GRAMD4: variants seen among roughly 807,000 people sequenced by gnomAD.
GRAMD4 encodes GRAM domain containing 4.
A neutral mutation model predicts 83.9 loss-of-function variants in GRAMD4; 25 were observed. The ratio of observed to expected loss-of-function variants is 0.30; its 90% confidence interval spans 0.22 to 0.42. The LOEUF is 0.42. Ranked by LOEUF, GRAMD4 falls within the 10% of genes least tolerant of loss-of-function variation. The pLI, the probability that GRAMD4 is intolerant of heterozygous loss-of-function variation, is 1.00. For missense variants in GRAMD4, 593 were observed against 788.7 expected (o/e 0.75, Z 2.97); for synonymous variants, 336 against 320.9 (o/e 1.05, Z -0.50).
chr22:46,647,972 T>C (rs377288360), intron 3 of GRAMD4, among the ~76,000 whole-genome samples: 1 of 152,106 alleles, frequency 6.6e-6, no homozygotes. Flanking sequence ...TGGGAGGGAG[T>C]AAAGGTAGCT....
At chr22:46,589,361 T>C (rs1602298632) in intron 1 of GRAMD4, among the ~76,000 whole-genome samples, 1 of 58,510 alleles carries the variant, frequency 1.7e-5, no homozygotes, top group Admixed American at 2.5e-4. Flanking sequence ...TGTGGGGGAG[T>C]CCTGGGTGTG....
intron 3 of GRAMD4, among the ~76,000 whole-genome samples, chr22:46,649,128 T>C (rs897292476): frequency 9.9e-5 from 15 of 152,168 alleles, no homozygotes; most frequent in African/African-American, 1.4e-4. Context: ...CCAGATGCAG[T>C]TTTATCTGTG....
chr22:46,665,852 C>T, intron 9 of GRAMD4, 146 bp downstream of exon 9: 2 of 600,550 alleles, frequency 3.3e-6, no homozygotes, highest in Admixed American at 5.0e-5. Flanking sequence ...CAGAGACCCC[C>T]CAGGCAGGGC....
At chr22:46,669,764 A>C (rs1258195687) in intron 13 of GRAMD4, among the ~76,000 whole-genome samples, 1 of 151,832 alleles carries the variant, frequency 6.6e-6, no homozygotes, top group East Asian at 1.9e-4. Context: ...TTTTTAGTAG[A>C]GACGGGGTTT....
rs141523878 is a variant in GRAMD4, at chr22:46,660,042, C to T, written c.405-1339C>T. ...GGCTAAGGTGGCCTGAGGCTGTCCC[C>T]GTGGCCCTGCTCCCTGTGTTCTGTT... On this transcript the variant is annotated intron_variant, in intron 4 of 18. Transcript: ENST00000406902. Among the ~76,000 whole-genome samples, 17 of 152,310 alleles carry T rather than the reference C, an allele frequency of 1.1e-4. No homozygotes were observed. In the East Asian group the frequency reaches 2.9e-3, roughly 26 times the overall value.
At chr22:46,616,901 C>T (rs1316669896), upstream of GRAMD4, among the ~76,000 whole-genome samples, 2 of 27,006 alleles carry the variant, frequency 7.4e-5, no homozygotes, top group African/African-American at 1.2e-4. Flanking sequence ...TGTAGTTTCC[C>T]CCGTGTGTAG....
In GRAMD4 at chr22:46,605,004, T is replaced by C. The variant is rs34057350; in HGVS notation, c.-49-21747T>C. Among the ~76,000 whole-genome samples, 105 of 53,040 alleles carry C rather than the reference T, an allele frequency of 2.0e-3. 3 individuals carry two copies. Among genetic ancestry groups the C allele is most frequent in the Non-Finnish European group, 2.6e-3 (58 of 22,696 alleles). The allele number at this position is 53,040 out of a possible 152,430, so 34.8% of individuals were successfully genotyped here. A position where few individuals can be genotyped will look rare whatever the true frequency, so the allele number is the denominator to read the frequency against. ...CAGGTTTTGGTGCCATAATGTTCTC[T>C]GGGTTCACCCAGGTTTTGGTGCCAT... On this transcript the variant is annotated intron_variant, in intron 1 of 1. Transcript: ENST00000431155.
intron 6 of GRAMD4, among the ~76,000 whole-genome samples, chr22:46,663,413 A>G (rs1364181983): frequency 6.6e-6 from 1 of 152,162 alleles, no homozygotes; most frequent in Non-Finnish European, 1.5e-5. Context: ...GGCTTGTGAC[A>G]GTTGTGTGGG....
chr22:46,622,338 C>T lies in GRAMD4; in HGVS notation c.-50+1773C>T, dbSNP rs528307033. Among the ~76,000 whole-genome samples the T allele has an allele frequency of 7.2e-5, 11 of 152,310 alleles. No individual in the cohort carries two copies. Among genetic ancestry groups the T allele is most frequent in the South Asian group, 4.1e-4 (2 of 4,826 alleles). ...CACAGGGCCTGCAGGCCCCAGCGCC[C>T]GGGTCATCCCCTCCGCTTCCCTCTC... On this transcript the variant is annotated intron_variant, in intron 1 of 18. Transcript: ENST00000406902. The surrounding 1 kb of genome is among the most constrained non-coding windows in gnomAD (Gnocchi z 4.0).
intron 1 of GRAMD4, among the ~76,000 whole-genome samples, chr22:46,597,775 T>C (rs566310184): frequency 5.3e-5 from 8 of 152,200 alleles, no homozygotes; most frequent in Middle Eastern, 6.8e-3. Flanking sequence ...AGGCATGAGC[T>C]ACCACGCCCG....
chr22:46,648,196 A>G (rs2082098599), intron 3 of GRAMD4, among the ~76,000 whole-genome samples: 1 of 150,596 alleles, frequency 6.6e-6, no homozygotes, highest in Admixed American at 6.6e-5. Flanking sequence ...GTGGACATGT[A>G]GATGGATGGA....
At chr22:46,638,551 C>T (rs913996660) in intron 3 of GRAMD4, among the ~76,000 whole-genome samples, 4 of 152,208 alleles carry the variant, frequency 2.6e-5, no homozygotes, top group African/African-American at 9.6e-5. Context: ...GTGTATCGCT[C>T]TTGAGCCTCT....
Position 46,679,379 on chromosome 22 carries a change from G to GC in GRAMD4, c.*2129dup, listed in dbSNP as rs1368404976. On this transcript the variant is annotated 3_prime_UTR_variant, in exon 19 of 19. Transcript: ENST00000406902. ...CCCCAGGGAGGGCCACATTCGGGGA[G>GC]CGGGGGGTCGGGGGAGGGCCACCGA... 1.0e-6 allele frequency: 1 copy of GC among 985,360 alleles called. No homozygotes were observed. 61.0% of individuals were successfully genotyped at this position (985,360 alleles called of 1,614,324 possible).
chr22:46,651,015 G>T (rs945043119), intron 3 of GRAMD4, among the ~76,000 whole-genome samples: 1 of 152,200 alleles, frequency 6.6e-6, no homozygotes, highest in Non-Finnish European at 1.5e-5. Context: ...AGGTTGGAGT[G>T]GGGGCAGGCC....
upstream of GRAMD4, among the ~76,000 whole-genome samples, chr22:46,616,805 T>A (rs2081504775): frequency 1.5e-5 from 2 of 137,006 alleles, no homozygotes; most frequent in African/African-American, 2.8e-5. Context: ...GGTTCCCCTG[T>A]GTGTGTAGGT....
upstream of GRAMD4, among the ~76,000 whole-genome samples, chr22:46,616,898 TC>T (rs2081508188): frequency 4.0e-5 from 1 of 24,812 alleles, no homozygotes; most frequent in Non-Finnish European, 8.1e-5. Flanking sequence ...GCGTGTAGTT[TC>T]CCCCGTGTGT....
Position 46,644,587 on chromosome 22 carries a change from C to T in GRAMD4, c.283+6627C>T, listed in dbSNP as rs116208051. Among the ~76,000 whole-genome samples, 188 of 152,296 alleles carry T rather than the reference C, an allele frequency of 1.2e-3. 1 individual carries two copies. Among genetic ancestry groups the T allele is most frequent in the African/African-American group, 4.3e-3 (178 of 41,550 alleles). On this transcript the variant is annotated intron_variant, in intron 3 of 18. Coordinates refer to ENST00000406902, the MANE Select transcript of GRAMD4 (RefSeq NM_015124.5). Reference sequence around the variant, plus strand: ...GTTCCGTGTTACACCTCTCCCTGTCCCGGGTTACATCTGTCCCTGTTCCAG... The same window carrying T: ...GTTCCGTGTTACACCTCTCCCTGTCTCGGGTTACATCTGTCCCTGTTCCAG...
chr22:46,600,253 G>C (rs547275033), intron 1 of GRAMD4, among the ~76,000 whole-genome samples: 1 of 152,292 alleles, frequency 6.6e-6, no homozygotes, highest in Admixed American at 6.5e-5. Flanking sequence ...CCACTGCTGA[G>C]GGTCTCCTAA....
At chr22:46,676,116 G>A (rs905700537) in intron 17 of GRAMD4, among the ~76,000 whole-genome samples, 4 of 152,214 alleles carry the variant, frequency 2.6e-5, no homozygotes, top group African/African-American at 7.2e-5. Flanking sequence ...GGGCATGTCC[G>A]CATTGGCACG....
Sources: gnomAD v4.1 joint callset for allele counts (sites outside exome capture counted in the v4.1 genomes callset) on GRCh38, gnomAD v4.1.1 for gene constraint, Gnocchi (gnomAD v3.1) non-coding constraint, MANE v1.5 for transcripts, NCBI Gene and HGNC (gene_info 2026-07-23, HGNC 2026-07-21) for gene names.